Variants in COG7 observed in about 807,000 individuals in gnomAD.
COG7 encodes the protein component of oligomeric golgi complex 7.
A neutral mutation model predicts 91.5 loss-of-function variants in COG7; 49 were observed. The ratio of observed to expected loss-of-function variants is 0.54; its 90% CI spans 0.43 to 0.68. The LOEUF is 0.68. Among genes scored for constraint, COG7 ranks in the 30% least tolerant of loss-of-function variants. The probability of loss-of-function intolerance (pLI) is 0.00; values close to 1 mark genes in which losing one functional copy is unlikely to be tolerated. For synonymous variants in COG7, 365 were observed against 388.7 expected (o/e 0.94, Z 0.72); for missense variants, 895 against 961.3 (o/e 0.93, Z 0.91).
chr16:23,420,540 A>T (rs988957263), intron 7 of COG7, among the ~76,000 whole-genome samples: 1 of 152,120 alleles, frequency 6.6e-6, no homozygotes, highest in Non-Finnish European at 1.5e-5. Flanking sequence ...TCTGTCTGGA[A>T]GGACCGGCTT....
At chr16:23,391,273 AG>A (rs1963191325) in intron 16 of COG7, among the ~76,000 whole-genome samples, 2 of 152,314 alleles carry the variant, frequency 1.3e-5, no homozygotes, top group Middle Eastern at 3.4e-3. Context: ...ACTGAAACTG[AG>A]GGGCAATCCC....
intron 4 of COG7, among the ~76,000 whole-genome samples, chr16:23,439,580 T>C (rs1270127797): frequency 6.6e-6 from 1 of 152,182 alleles, no homozygotes; most frequent in East Asian, 1.9e-4. Flanking sequence ...GCTTTGAAGA[T>C]GTTACGCTAA....
chr16:23,389,442 T>C (rs1963153201), intron 16 of COG7, among the ~76,000 whole-genome samples: 6 of 151,334 alleles, frequency 4.0e-5, no homozygotes, highest in Admixed American at 3.3e-4. Flanking sequence ...CACACTCACA[T>C]GCACACACTC....
At chr16:23,452,574 A>T (rs552781305) in intron 1 of COG7, among the ~76,000 whole-genome samples, 10 of 152,338 alleles carry the variant, frequency 6.6e-5, no homozygotes, top group African/African-American at 2.4e-4. Flanking sequence ...AGAAAGAAAG[A>T]AAAGAAAAAG....
intron 2 of COG7, 136 bp downstream of exon 2, chr16:23,445,677 C>T: frequency 3.4e-6 from 3 of 883,416 alleles, no homozygotes; most frequent in Non-Finnish European, 3.8e-6. Context: ...AAGAGCATAG[C>T]TGGAGTGCTG....
At chr16:23,420,809 C>A (rs943162019) in intron 7 of COG7, among the ~76,000 whole-genome samples, 3 of 152,052 alleles carry the variant, frequency 2.0e-5, no homozygotes, top group Non-Finnish European at 4.4e-5. Flanking sequence ...AGTGGTCCAA[C>A]CACAGGTCAC....
intron 8 of COG7, among the ~76,000 whole-genome samples, chr16:23,418,376 A>G (rs142701284): frequency 0.011 from 1,644 of 152,194 alleles, 36 homozygotes; most frequent in African/African-American, 0.038. Context: ...ATGGTGGTGC[A>G]TGCCTGGAGT....
intron 9 of COG7, chr16:23,416,466 A>T (rs1276752968): frequency 1.0e-5 from 2 of 191,592 alleles, no homozygotes; most frequent in African/African-American, 4.8e-5. Flanking sequence ...CTCTGGGTCC[A>T]AGGAGCCTCC....
intron 3 of COG7, among the ~76,000 whole-genome samples, chr16:23,444,284 T>C (rs1160584331): frequency 6.6e-6 from 1 of 152,170 alleles, no homozygotes; most frequent in Non-Finnish European, 1.5e-5. Context: ...TGATAAATCA[T>C]TCATTTTGCT....
chr16:23,421,336 A>C (rs980577740), intron 7 of COG7, among the ~76,000 whole-genome samples: 1 of 151,624 alleles, frequency 6.6e-6, no homozygotes, highest in African/African-American at 2.4e-5. Flanking sequence ...TATGCACCAA[A>C]TTTGTAACAG....
rs533979953 is a variant in COG7 at position 23,406,301 on chromosome 16, T to C, written c.1476-39A>G. The C allele has an allele frequency of 9.7e-6, 15 of 1,547,362 alleles. No homozygotes were observed. The East Asian group carries it at 3.4e-4, about 35-fold the overall frequency. On this transcript the variant is annotated intron_variant, in intron 11 of 16. Coordinates refer to ENST00000307149, the MANE Select transcript of COG7 (RefSeq NM_153603.4). Reference sequence around the variant, plus strand: ...AATGACCATTATGCCCTGAGCTATTTGCATGGAACTTTCTTCTTGGAGCAG... The same window carrying C: ...AATGACCATTATGCCCTGAGCTATTCGCATGGAACTTTCTTCTTGGAGCAG...
At chr16:23,448,801 T>C (rs1348245695) in intron 1 of COG7, among the ~76,000 whole-genome samples, 5 of 152,190 alleles carry the variant, frequency 3.3e-5, no homozygotes, top group Admixed American at 3.3e-4. Context: ...AGGAACATGA[T>C]GCCGAGCAAG....
intron 16 of COG7, chr16:23,391,998 T>A: frequency 8.4e-7 from 1 of 1,185,790 alleles, no homozygotes; most frequent in Non-Finnish European, 1.1e-6. Flanking sequence ...AGACGATGGG[T>A]GCGAGTGCTT....
intron 8 of COG7, 42 bp from the exon 9 acceptor site, chr16:23,417,163 CAGACAA>C (rs757042094): frequency 6.2e-7 from 1 of 1,606,574 alleles, no homozygotes; most frequent in Admixed American, 1.7e-5. Context: ...GGCTTTAGAA[CAGACAA>C]TGCTGAGATA....
chr16:23,425,940 G>A (rs1017528441), intron 6 of COG7, among the ~76,000 whole-genome samples: 6 of 152,206 alleles, frequency 3.9e-5, no homozygotes, highest in African/African-American at 1.4e-4. Flanking sequence ...TGGGCCAGGT[G>A]TGGTGGCTCA....
At chr16:23,392,332 C>T (rs1305710738) in intron 16 of COG7, 48 bp downstream of exon 16, 5 of 1,612,948 alleles carry the variant, frequency 3.1e-6, no homozygotes, top group Non-Finnish European at 4.2e-6. Flanking sequence ...CTGACAGATG[C>T]AGCAGGCAAG....
intron 11 of COG7, 45 bp from the exon 12 acceptor site, chr16:23,406,307 G>A: frequency 4.6e-6 from 7 of 1,529,224 alleles, no homozygotes; most frequent in Non-Finnish European, 6.3e-6. Context: ...TATTTGCATG[G>A]AACTTTCTTC....
intron 10 of COG7, 160 bp downstream of exon 10, chr16:23,413,288 T>C (rs1283348873): frequency 7.7e-6 from 5 of 647,748 alleles, no homozygotes; most frequent in Admixed American, 2.3e-5. Flanking sequence ...TTGGGTTTTA[T>C]TGGTTTGTGT....
At chr16:23,425,251 A>G (rs1374211140) in intron 6 of COG7, among the ~76,000 whole-genome samples, 1 of 152,196 alleles carries the variant, frequency 6.6e-6, no homozygotes, top group African/African-American at 2.4e-5. Context: ...TGCAGGTTGC[A>G]GTGAGCCAAG....
Sources: gnomAD v4.1 joint callset for allele counts (sites outside exome capture counted in the v4.1 genomes callset) on GRCh38, gnomAD v4.1.1 for gene constraint, MANE v1.5 for transcripts, NCBI Gene and HGNC (gene_info 2026-07-23, HGNC 2026-07-21) for gene names.